RGL2: variants seen among roughly 807,000 people sequenced by gnomAD.
RGL2 encodes ral guanine nucleotide dissociation stimulator like 2.
In RGL2, 40 loss-of-function variants were observed where a neutral mutation model predicts 84.6. The ratio of observed to expected loss-of-function variants is 0.47; its 90% CI spans 0.37 to 0.62. The LOEUF is 0.62. RGL2 is among the 20% of genes least tolerant of loss of function. The pLI is 0.00. For missense variants in RGL2, 865 were observed against 1,019.7 expected (o/e 0.85, Z 2.07); for synonymous variants, 369 against 417.3 (o/e 0.88, Z 1.41).
In RGL2 at chr6:33,297,461, G is replaced by C. The variant is rs1225829439; in HGVS notation, c.157-346C>G. On this transcript the variant is annotated intron_variant, in intron 2 of 17. Transcript: ENST00000497454. This position sits in a 1 kb window ranked among gnomAD's most constrained non-coding sequence, Gnocchi z 4.0. Reference sequence around the variant, plus strand: ...AAGCAGGGTACAAAGGGCAGGAGAGGGAAGCGAGAGGCAGCAAGCCAGAGG... The same window carrying C: ...AAGCAGGGTACAAAGGGCAGGAGAGCGAAGCGAGAGGCAGCAAGCCAGAGG... 2 of 286,570 alleles carry C rather than the reference G, an allele frequency of 7.0e-6. No homozygotes were observed. The highest frequency in any genetic ancestry group is 2.2e-5 in the African/African-American group (1 of 45,726). 17.8% of individuals were successfully genotyped at this position (286,570 alleles called of 1,614,324 possible).
Position 33,296,504 on chromosome 6 carries a change from A to G in RGL2, c.420-40T>C. The G allele has an allele frequency of 6.3e-7, 1 of 1,588,396 alleles. No homozygotes were observed. Among genetic ancestry groups the G allele is most frequent in the Non-Finnish European group, 8.6e-7 (1 of 1,168,300 alleles). Reference sequence around the variant, plus strand: ...AGGATCTATCTGTCCATTTTTCCCAAACCCTCAGTGGCTTTGACTATTTTG... The same window carrying G: ...AGGATCTATCTGTCCATTTTTCCCAGACCCTCAGTGGCTTTGACTATTTTG... On this transcript the variant is annotated intron_variant, in intron 4 of 17. Coordinates refer to ENST00000497454, the MANE Select transcript of RGL2 (RefSeq NM_004761.5). This position sits in a 1 kb window ranked among gnomAD's most constrained non-coding sequence, Gnocchi z 5.0.
At position 33,296,233 on chromosome 6, in the gene RGL2, A is replaced by T. The variant is rs766500261; in HGVS notation, c.563T>A (p.Phe188Tyr). The T allele has an allele frequency of 6.2e-7, 1 of 1,613,866 alleles. No homozygotes were observed. The highest frequency in any genetic ancestry group is 1.3e-5 in the African/African-American group (1 of 74,930). ...TGCTGCATACCCTGTCTGAAGTAAGAAGCTCTCAAGCCGGTCAAGCTGACC... is the reference window on the plus strand; with the variant it reads ...TGCTGCATACCCTGTCTGAAGTAAGTAGCTCTCAAGCCGGTCAAGCTGACC... ...AKGQLDRLES[F>Y]LLQTGYAAGK... The change falls in exon 6 of 18, where the codon TTC (phenylalanine) becomes TAC (tyrosine). Residue 188 changes from phenylalanine to tyrosine, a missense_variant. Transcript: ENST00000497454. The surrounding 1 kb of genome is among the most constrained non-coding windows in gnomAD (Gnocchi z 5.0).
In RGL2 at chr6:33,298,387, A is replaced by C; in HGVS notation, c.156+68T>G. On this transcript the variant is annotated intron_variant, in intron 2 of 17. Transcript: ENST00000497454. The surrounding 1 kb of genome is among the most constrained non-coding windows in gnomAD (Gnocchi z 4.8). Reference sequence around the variant, plus strand: ...CAAGGAGGAGGAGATGTAGGGACCCAGAGACAAGAGAAAAGTGGAGACTTC... The same window carrying C: ...CAAGGAGGAGGAGATGTAGGGACCCCGAGACAAGAGAAAAGTGGAGACTTC... The C allele has an allele frequency of 1.2e-6, 1 of 854,550 alleles. No individual in the cohort carries two copies. Among genetic ancestry groups the C allele is most frequent in the Non-Finnish European group, 1.8e-6 (1 of 559,898 alleles). The allele number at this position is 854,550 out of a possible 1,614,324, so 52.9% of individuals were successfully genotyped here.
chr6:33,293,142 AC>A lies in RGL2; in HGVS notation c.1880del (p.Gly627ValfsTer44). On this transcript the variant is annotated frameshift_variant, in exon 16 of 18. Transcript: ENST00000497454. LOFTEE classifies it high-confidence loss of function. The surrounding 1 kb of genome is among the most constrained non-coding windows in gnomAD (Gnocchi z 7.0). Reference protein sequence around the residue: ...SASCGSPLSGGAEEASGGTGY... With the variant: ...SASCGSPLSGXAEEASGGTGY... Reference sequence around the variant, plus strand: ...CAGTCCCCCCGGAGGCCTCTTCTGCACCCCCACTCAGCGGGGAGCCACAGGA... The same window carrying A: ...CAGTCCCCCCGGAGGCCTCTTCTGCACCCCACTCAGCGGGGAGCCACAGGA... 1 of 1,611,166 alleles carries A rather than the reference AC, an allele frequency of 6.2e-7. No individual in the cohort carries two copies. The highest frequency in any genetic ancestry group is 8.5e-7 in the Non-Finnish European group (1 of 1,178,652).
Position 33,297,356 on chromosome 6 carries a change from C to A in RGL2, c.157-241G>T. On this transcript the variant is annotated intron_variant, in intron 2 of 17. Coordinates refer to ENST00000497454, the MANE Select transcript of RGL2 (RefSeq NM_004761.5). This position sits in a 1 kb window ranked among gnomAD's most constrained non-coding sequence, Gnocchi z 4.0. Reference sequence around the variant, plus strand: ...GGAGTCGAAGGGGCTGCAGTGGAGGCGTGGATGGAGTACAGGAATTCTGAT... The same window carrying A: ...GGAGTCGAAGGGGCTGCAGTGGAGGAGTGGATGGAGTACAGGAATTCTGAT... 2.1e-6 allele frequency: 1 copy of A among 479,532 alleles called. No individual in the cohort carries two copies. Among genetic ancestry groups the A allele is most frequent in the Non-Finnish European group, 3.7e-6 (1 of 272,208 alleles). The allele number at this position is 479,532 out of a possible 1,614,324, so 29.7% of individuals were successfully genotyped here.
Position 33,293,352 on chromosome 6 carries a change from A to G in RGL2, c.1717-46T>C, listed in dbSNP as rs773176643. ...ACTGGCATGAAGGCAGGGAGGTTTAAGGAAGAAACATTTACAGAGTGAGGG... is the reference window on the plus strand; with the variant it reads ...ACTGGCATGAAGGCAGGGAGGTTTAGGGAAGAAACATTTACAGAGTGAGGG... On this transcript the variant is annotated intron_variant, in intron 15 of 17. Coordinates refer to ENST00000497454, the MANE Select transcript of RGL2 (RefSeq NM_004761.5). The surrounding 1 kb of genome is among the most constrained non-coding windows in gnomAD (Gnocchi z 7.0). 2 of 1,580,868 alleles carry G rather than the reference A, an allele frequency of 1.3e-6. No homozygotes were observed. The highest frequency in any genetic ancestry group is 1.2e-5 in the South Asian group (1 of 85,956).
chr6:33,292,414 C>G lies in RGL2; in HGVS notation c.2122+16G>C, dbSNP rs768482452. 3 of 1,612,974 alleles carry G rather than the reference C, an allele frequency of 1.9e-6. No individual in the cohort carries two copies. The highest frequency in any genetic ancestry group is 1.7e-6 in the Non-Finnish European group (2 of 1,178,962). ...CACTCTCCTCCCGAGTCTGCCTTTC[C>G]CTCATGGCCTCTGACCTCGCTCCCC... On this transcript the variant is annotated intron_variant, in intron 17 of 17. Transcript: ENST00000497454.
chr6:33,298,640 C>A lies in RGL2; in HGVS notation c.-30G>T. 1 of 1,423,024 alleles carries A rather than the reference C, an allele frequency of 7.0e-7. No individual in the cohort carries two copies. The highest frequency in any genetic ancestry group is 1.5e-5 in the South Asian group (1 of 68,926). The allele number at this position is 1,423,024 out of a possible 1,614,324, so 88.1% of individuals were successfully genotyped here. A position where few individuals can be genotyped will look rare whatever the true frequency, so the allele number is the denominator to read the frequency against. The stretch of plus-strand genomic sequence containing the variant: ...GAGTGAAGGAATCAGCGGGGTCGGG[C>A]CATGGGGGCGCCTGGGGAGAGACGG... On this transcript the variant is annotated 5_prime_UTR_variant, in exon 2 of 18. Coordinates refer to ENST00000497454, the MANE Select transcript of RGL2 (RefSeq NM_004761.5). The surrounding 1 kb of genome is among the most constrained non-coding windows in gnomAD (Gnocchi z 4.8).
In RGL2 at chr6:33,292,959, T is replaced by A. The variant is rs968027058; in HGVS notation, c.2007+57A>T. The A allele has an allele frequency of 1.9e-5, 31 of 1,605,084 alleles. No individual in the cohort carries two copies. The Middle Eastern group carries it at 5.0e-4, about 26-fold the overall frequency. On this transcript the variant is annotated intron_variant, in intron 16 of 17. Coordinates refer to ENST00000497454, the MANE Select transcript of RGL2 (RefSeq NM_004761.5). Reference sequence around the variant, plus strand: ...TTGGCTGCCCAAACCTCAGACAACATTTATAGTCCAACAAGACACCATCCT... The same window carrying A: ...TTGGCTGCCCAAACCTCAGACAACAATTATAGTCCAACAAGACACCATCCT...
At position 33,298,426 on chromosome 6, in the gene RGL2, C is replaced by T. The variant is rs1379019988; in HGVS notation, c.156+29G>A. ...AGTGGAGACTTCAGAAATACATACG[C>T]CCCCTACCTCCCACCACCCGCGTCT... On this transcript the variant is annotated intron_variant, in intron 2 of 17. Transcript: ENST00000497454. This position sits in a 1 kb window ranked among gnomAD's most constrained non-coding sequence, Gnocchi z 4.8. 1.6e-6 allele frequency: 2 copies of T among 1,252,228 alleles called. No homozygotes were observed. The highest frequency in any genetic ancestry group is 3.0e-5 in the African/African-American group (2 of 65,612). The allele number at this position is 1,252,228 out of a possible 1,614,324, so 77.6% of individuals were successfully genotyped here.
chr6:33,294,662 C>T lies in RGL2; in HGVS notation c.1353+26G>A. The T allele has an allele frequency of 6.2e-7, 1 of 1,613,048 alleles. No individual in the cohort carries two copies. Among genetic ancestry groups the T allele is most frequent in the Non-Finnish European group, 8.5e-7 (1 of 1,179,400 alleles). On this transcript the variant is annotated intron_variant, in intron 11 of 17. Transcript: ENST00000497454. The surrounding 1 kb of genome is among the most constrained non-coding windows in gnomAD (Gnocchi z 5.0). ...CTGCAGCCCACTTGTTACATCATTG[C>T]AATGACACACACACACACCACTGAC...
upstream of RGL2, chr6:33,299,651 G>T (rs1479663284): frequency 6.6e-6 from 1 of 152,308 alleles, no homozygotes; most frequent in Non-Finnish European, 1.5e-5. This position sits in a 1 kb window ranked among gnomAD's most constrained non-coding sequence, Gnocchi z 5.0. Context: ...GAGGTGATTG[G>T]AATATTCATT....
In RGL2 at chr6:33,296,657, G is replaced by A. The variant is rs1489854551; in HGVS notation, c.360C>T (p.Phe120=). 1.2e-6 allele frequency: 2 copies of A among 1,613,892 alleles called. No individual in the cohort carries two copies. Among genetic ancestry groups the A allele is most frequent in the Non-Finnish European group, 1.7e-6 (2 of 1,179,998 alleles). ...SGTDVSFMSA[F]LATHRAFTST... is the part of the protein sequence containing the mutation. ...AGGTGAAGGCCCGGTGGGTAGCCAGGAAGGCTGACATGAAGCTCACATCAG... is the reference window on the plus strand; with the variant it reads ...AGGTGAAGGCCCGGTGGGTAGCCAGAAAGGCTGACATGAAGCTCACATCAG... Residue 120 remains phenylalanine, a synonymous_variant, in exon 4 of 18, where the codon TTC becomes TTT. Coordinates refer to ENST00000497454, the MANE Select transcript of RGL2 (RefSeq NM_004761.5). This position sits in a 1 kb window ranked among gnomAD's most constrained non-coding sequence, Gnocchi z 5.0.
Position 33,297,786 on chromosome 6 carries a change from A to G in RGL2, c.156+669T>C, listed in dbSNP as rs1465379670. On this transcript the variant is annotated intron_variant, in intron 2 of 17. Transcript: ENST00000497454. The surrounding 1 kb of genome is among the most constrained non-coding windows in gnomAD (Gnocchi z 4.0). ...CCCGAAAAACCAGCCCTGCCAGTCA[A>G]CCTGCCCTCACCTAGGATCTGGACC... 1 of 152,336 alleles carries G rather than the reference A, an allele frequency of 6.6e-6. No individual in the cohort carries two copies. The highest frequency in any genetic ancestry group is 1.5e-5 in the Non-Finnish European group (1 of 68,168). 9.4% of individuals were successfully genotyped at this position (152,336 alleles called of 1,614,324 possible).
In RGL2 at chr6:33,294,022, C is replaced by T. The variant is rs1335934101; in HGVS notation, c.1386+12G>A. 2.5e-6 allele frequency: 4 copies of T among 1,613,824 alleles called. No individual in the cohort carries two copies. The highest frequency in any genetic ancestry group is 1.3e-5 in the African/African-American group (1 of 74,894). On this transcript the variant is annotated intron_variant, in intron 12 of 17. Transcript: ENST00000497454. The surrounding 1 kb of genome is among the most constrained non-coding windows in gnomAD (Gnocchi z 5.0). ...AGGGAAGTCCAGCATCCAGCCCAGA[C>T]ACTCCGCTCACCTTCCTCCGCTTGT...
At position 33,293,139 on chromosome 6, in the gene RGL2, T is replaced by C; in HGVS notation, c.1884A>G (p.Ala628=). The part of the protein sequence containing the change: ...ASCGSPLSGG[A]EEASGGTGYG... ...ATCCAGTCCCCCCGGAGGCCTCTTC[T>C]GCACCCCCACTCAGCGGGGAGCCAC... The change falls in exon 16 of 18, where the codon GCA becomes GCG. Residue 628 remains alanine (A), a synonymous_variant. Transcript: ENST00000497454. The surrounding 1 kb of genome is among the most constrained non-coding windows in gnomAD (Gnocchi z 7.0). 6.2e-7 allele frequency: 1 copy of C among 1,612,408 alleles called. No homozygotes were observed. Among genetic ancestry groups the C allele is most frequent in the South Asian group, 1.1e-5 (1 of 90,864 alleles).
rs746305412 is a variant in RGL2, at chr6:33,298,532, C to T, written c.79G>A (p.Asp27Asn). 23 of 1,503,616 alleles carry T rather than the reference C, an allele frequency of 1.5e-5. No homozygotes were observed. Among genetic ancestry groups the T allele is most frequent in the Non-Finnish European group, 1.9e-5 (21 of 1,128,146 alleles). 93.1% of individuals were successfully genotyped at this position (1,503,616 alleles called of 1,614,324 possible). ...CCTGGGCCCCCACCCTCTTCGGGGT[C>T]CCGGCTTCGGAAGCTGCTCAGTACG... ...GVVLSSFRSR[D>N]PEEGGGPGGL... Residue 27 changes from aspartate to asparagine, a missense_variant, in exon 2 of 18, where the codon GAC (aspartate) becomes AAC (asparagine). Coordinates refer to ENST00000497454, the MANE Select transcript of RGL2 (RefSeq NM_004761.5). The surrounding 1 kb of genome is among the most constrained non-coding windows in gnomAD (Gnocchi z 4.8).
chr6:33,297,230 T>C lies in RGL2; in HGVS notation c.157-115A>G. 1.2e-6 allele frequency: 1 copy of C among 802,478 alleles called. No homozygotes were observed. Among genetic ancestry groups the C allele is most frequent in the Non-Finnish European group, 2.0e-6 (1 of 509,592 alleles). 49.7% of individuals were successfully genotyped at this position (802,478 alleles called of 1,614,324 possible). On this transcript the variant is annotated intron_variant, in intron 2 of 17. Coordinates refer to ENST00000497454, the MANE Select transcript of RGL2 (RefSeq NM_004761.5). This position sits in a 1 kb window ranked among gnomAD's most constrained non-coding sequence, Gnocchi z 4.0. ...ACCCCTCACCTGTGGTGGCAGGGCA[T>C]AGTACCAGCGAGTGCGAGGAAGGGT...
rs746882254 is a variant in RGL2 at position 33,295,440 on chromosome 6, G to C, written c.1021-18C>G. The C allele has an allele frequency of 1.9e-6, 3 of 1,613,248 alleles. No homozygotes were observed. The highest frequency in any genetic ancestry group is 1.1e-5 in the South Asian group (1 of 91,068). ...CGGCACTCCTGTGGGGGTCAAAGAA[G>C]AGAGCTAAGGCTATGGGAGGCCTCT... is the stretch of plus-strand genomic sequence containing the variant. On this transcript the variant is annotated intron_variant, in intron 7 of 17. Transcript: ENST00000497454. The surrounding 1 kb of genome is among the most constrained non-coding windows in gnomAD (Gnocchi z 7.2).
Sources: allele counts gnomAD v4.1 joint callset, GRCh38; gene constraint gnomAD v4.1.1; non-coding constraint Gnocchi (gnomAD v3.1); transcripts MANE v1.5; gene names NCBI Gene and HGNC (gene_info 2026-07-23, HGNC 2026-07-21).